FGF14: variants seen among roughly 807,000 people sequenced by gnomAD.
FGF14 encodes fibroblast growth factor homologous factor 4.
FGF14 carries 5 observed loss-of-function variants against 25.5 expected under a neutral mutation model. The ratio of observed to expected loss-of-function variants is 0.20; its 90% confidence interval spans 0.10 to 0.41. FGF14 has a LOEUF of 0.41. Among genes scored for constraint, FGF14 ranks in the 10% least tolerant of loss-of-function variants. The probability of loss-of-function intolerance (pLI) is 1.00; values close to 1 mark genes in which losing one functional copy is unlikely to be tolerated. For missense variants in FGF14, 222 were observed against 320.1 expected, an observed-to-expected ratio of 0.69 and a Z score of 2.34; for synonymous variants, 138 against 118.3, an observed-to-expected ratio of 1.17 and a Z score of -1.08.
chr13:102,357,104 A>C (rs1055000823), intron 1 of FGF14, among the ~76,000 whole-genome samples: 1 of 139,494 alleles, frequency 7.2e-6, no homozygotes, highest in Admixed American at 7.8e-5. Context: ...ATTCTAACAC[A>C]GGCTACTTCC....
intron 1 of FGF14, among the ~76,000 whole-genome samples, chr13:102,165,431 A>G (rs1007962667): frequency 1.3e-5 from 2 of 152,186 alleles, no homozygotes; most frequent in African/African-American, 4.8e-5. Context: ...TCCAACAATT[A>G]TAGACTGGGT....
intron 1 of FGF14, among the ~76,000 whole-genome samples, chr13:102,182,730 C>T (rs1254289775): frequency 2.0e-5 from 3 of 152,124 alleles, no homozygotes; most frequent in Non-Finnish European, 4.4e-5. Flanking sequence ...AAGGAAAATA[C>T]TTAATGTGGC....
At chr13:101,858,615 C>A (rs946757501) in intron 3 of FGF14, among the ~76,000 whole-genome samples, 2 of 151,980 alleles carry the variant, frequency 1.3e-5, no homozygotes, top group Non-Finnish European at 2.9e-5. Flanking sequence ...ATATAGCTAA[C>A]CAAAATTTGA....
At chr13:102,215,213 T>A (rs937020084) in intron 1 of FGF14, among the ~76,000 whole-genome samples, 9 of 152,196 alleles carry the variant, frequency 5.9e-5, no homozygotes, top group Non-Finnish European at 1.3e-4. Flanking sequence ...TGCACAGAGC[T>A]GAGGCAGAGG....
chr13:101,821,147 A>G (rs2042133073), intron 3 of FGF14, among the ~76,000 whole-genome samples: 4 of 151,970 alleles, frequency 2.6e-5, no homozygotes, highest in South Asian at 4.2e-4. Flanking sequence ...ACAGGGTTTC[A>G]CCGTGTCAGC....
chr13:102,081,107 T>TA (rs936912264), intron 1 of FGF14, among the ~76,000 whole-genome samples: 2 of 152,204 alleles, frequency 1.3e-5, no homozygotes, highest in African/African-American at 4.8e-5. Flanking sequence ...GTAAGTCATG[T>TA]AAAAAAACAA....
chr13:102,155,561 G>A (rs1210686976), intron 1 of FGF14, among the ~76,000 whole-genome samples: 1 of 151,892 alleles, frequency 6.6e-6, no homozygotes, highest in African/African-American at 2.4e-5. Flanking sequence ...GAGAAAGCAG[G>A]AAAGATCTAA....
At chr13:102,092,255 T>C (rs1203890251) in intron 1 of FGF14, among the ~76,000 whole-genome samples, 1 of 152,178 alleles carries the variant, frequency 6.6e-6, no homozygotes, top group African/African-American at 2.4e-5. Flanking sequence ...ATGTAAAATA[T>C]AGCCATGCCA....
chr13:102,110,190 G>A (rs1305718208), intron 1 of FGF14, among the ~76,000 whole-genome samples: 5 of 152,078 alleles, frequency 3.3e-5, no homozygotes, highest in Non-Finnish European at 4.4e-5. Context: ...GAGCTTTAAT[G>A]TGATGAGATT....
At chr13:102,264,495 T>C (rs2052885496) in intron 1 of FGF14, among the ~76,000 whole-genome samples, 1 of 152,178 alleles carries the variant, frequency 6.6e-6, no homozygotes, top group Non-Finnish European at 1.5e-5. Context: ...TTAAAGCATA[T>C]TTCTACAAAC....
intron 3 of FGF14, among the ~76,000 whole-genome samples, chr13:101,836,813 A>T (rs1490227298): frequency 6.6e-6 from 1 of 152,038 alleles, no homozygotes; most frequent in Non-Finnish European, 1.5e-5. Context: ...GGCAGAAGAG[A>T]AATCATGCCT....
intron 3 of FGF14, among the ~76,000 whole-genome samples, chr13:101,761,592 T>C (rs116219604): frequency 6.9e-4 from 103 of 150,118 alleles, no homozygotes; most frequent in African/African-American, 2.5e-3. Context: ...TAGTTAACAA[T>C]AATATATAGT....
At chr13:102,132,480 C>T (rs1296948968) in intron 1 of FGF14, among the ~76,000 whole-genome samples, 1 of 151,302 alleles carries the variant, frequency 6.6e-6, no homozygotes, top group Non-Finnish European at 1.5e-5. Context: ...TTTTCTGTCT[C>T]GTCTCTTAAA....
chr13:101,943,152 G>T (rs1414271242), intron 1 of FGF14, among the ~76,000 whole-genome samples: 1 of 152,200 alleles, frequency 6.6e-6, no homozygotes, highest in South Asian at 2.1e-4. Flanking sequence ...GTAAATGTAG[G>T]ATCTGAATCT....
intron 3 of FGF14, among the ~76,000 whole-genome samples, chr13:101,816,616 CA>C (rs2041861993): frequency 6.6e-6 from 1 of 152,040 alleles, no homozygotes; most frequent in South Asian, 2.1e-4. Context: ...AAGTTCAGCT[CA>C]TCTTATCATG....
At chr13:102,045,737 G>A (rs1463604215) in intron 1 of FGF14, among the ~76,000 whole-genome samples, 1 of 152,086 alleles carries the variant, frequency 6.6e-6, no homozygotes, top group Non-Finnish European at 1.5e-5. Context: ...CATTCTGGTT[G>A]TAAGTTTTAA....
At chr13:101,948,609 G>A (rs2139372375) in intron 1 of FGF14, among the ~76,000 whole-genome samples, 1 of 151,976 alleles carries the variant, frequency 6.6e-6, no homozygotes, top group African/African-American at 2.4e-5. Context: ...GATAGTAAAT[G>A]GGTTCCCAAC....
chr13:102,060,067 G>T (rs2042611031), intron 1 of FGF14, among the ~76,000 whole-genome samples: 1 of 151,988 alleles, frequency 6.6e-6, no homozygotes, highest in African/African-American at 2.4e-5. Flanking sequence ...CAAAGGTCAT[G>T]CTCAAAGGAA....
At chr13:102,137,039 A>C (rs2046442683) in intron 1 of FGF14, among the ~76,000 whole-genome samples, 1 of 152,228 alleles carries the variant, frequency 6.6e-6, no homozygotes, top group African/African-American at 2.4e-5. Context: ...TTTTAGAAAC[A>C]GCAATGAGGT....
Sources: gnomAD v4.1 joint callset for allele counts (sites outside exome capture counted in the v4.1 genomes callset) on GRCh38, gnomAD v4.1.1 for gene constraint, MANE v1.5 for transcripts, NCBI Gene and HGNC (gene_info 2026-07-23, HGNC 2026-07-21) for gene names.